GPRIN3: variants seen among roughly 807,000 people sequenced by gnomAD.
GPRIN3 encodes the protein GPRIN family member 3, also known as G protein-regulated inducer of neurite outgrowth 3.
In GPRIN3, 12 loss-of-function variants were observed where a neutral mutation model predicts 13.7. The observed-to-expected ratio is 0.87, with a 90% confidence interval of 0.56 to 1.42. The LOEUF is 1.42. Among genes scored for constraint, GPRIN3 ranks in the 40% most tolerant of loss-of-function variants. GPRIN3 has a pLI of 0.00. For missense variants in GPRIN3, 1,009 were observed against 958.7 expected (o/e 1.05, Z -0.69); for synonymous variants, 377 against 372.7 (o/e 1.01, Z -0.13).
chr4:89,273,547 C>T (rs1299399331), intron 1 of GPRIN3, among the ~76,000 whole-genome samples: 8 of 152,034 alleles, frequency 5.3e-5, no homozygotes, highest in Non-Finnish European at 8.8e-5. Flanking sequence ...ATTAGCTAGG[C>T]GTGGTGATGG....
intron 1 of GPRIN3, among the ~76,000 whole-genome samples, chr4:89,262,036 G>T (rs903631746): frequency 2.7e-5 from 4 of 150,504 alleles, no homozygotes; most frequent in African/African-American, 7.3e-5. Flanking sequence ...TGAGGTGGTG[G>T]AACTGCTTGA....
chr4:89,284,619 C>G (rs1724349191), intron 1 of GPRIN3, among the ~76,000 whole-genome samples: 1 of 152,168 alleles, frequency 6.6e-6, no homozygotes, highest in Non-Finnish European at 1.5e-5. Flanking sequence ...CAGGAACTCA[C>G]CACCAGGTCT....
At chr4:89,300,529 T>C (rs1165271786) in intron 1 of GPRIN3, among the ~76,000 whole-genome samples, 1 of 152,162 alleles carries the variant, frequency 6.6e-6, no homozygotes, top group Admixed American at 6.6e-5. Flanking sequence ...GCCCACAGAC[T>C]GCCAGTTTTC....
At chr4:89,288,789 T>C (rs886577537) in intron 1 of GPRIN3, among the ~76,000 whole-genome samples, 3 of 152,144 alleles carry the variant, frequency 2.0e-5, no homozygotes, top group Admixed American at 6.5e-5. Flanking sequence ...CTGGGTAACG[T>C]TAAAAATGAG....
rs1236861027 is a variant in GPRIN3 at position 89,249,781 on chromosome 4, T to C, written c.330A>G (p.Ala110=). The change falls in exon 2 of 2, where the codon GCA becomes GCG. Residue 110 remains alanine, a synonymous_variant. Transcript: ENST00000609438. ...PQLPGSSQPA[A]SAPSSAAGRD... is the part of the protein sequence containing the mutation. ...TTCCTGCTGCAGAACTCGGGGCTGA[T>C]GCTGCGGGCTGGCTGCTCCCTGGCA... 1.2e-6 allele frequency: 2 copies of C among 1,614,042 alleles called. No individual in the cohort carries two copies. Among genetic ancestry groups the C allele is most frequent in the African/African-American group, 1.3e-5 (1 of 74,914 alleles).
chr4:89,273,891 A>T (rs1023519855), intron 1 of GPRIN3, among the ~76,000 whole-genome samples: 4 of 152,232 alleles, frequency 2.6e-5, no homozygotes, highest in Non-Finnish European at 5.9e-5. Context: ...TGTTATATCC[A>T]ATGCCAGTTT....
intron 1 of GPRIN3, among the ~76,000 whole-genome samples, chr4:89,279,737 T>C (rs1724193313): frequency 6.6e-6 from 1 of 152,226 alleles, no homozygotes; most frequent in Admixed American, 6.5e-5. Context: ...AGGCTCTTAC[T>C]TGGTTTTCCT....
Position 89,249,098 on chromosome 4 carries a change from C to T in GPRIN3, c.1013G>A (p.Ser338Asn). 6.2e-7 allele frequency: 1 copy of T among 1,614,172 alleles called. No homozygotes were observed. The highest frequency in any genetic ancestry group is 8.5e-7 in the Non-Finnish European group (1 of 1,180,022). ...VESRSVSTSPSILTAFLKESR... is the reference protein window; with the variant it reads ...VESRSVSTSPNILTAFLKESR... ...TTCCTTCAGAAATGCAGTGAGGATA[C>T]TGGGGCTGGTGGAGACGGATCTGCT... The change falls in exon 2 of 2, where the codon AGT (serine) becomes AAT (asparagine). Residue 338 changes from serine to asparagine, a missense_variant. Transcript: ENST00000609438.
In GPRIN3 at chr4:89,246,590, A is replaced by C. The variant is rs985728197; in HGVS notation, c.*1190T>G. On this transcript the variant is annotated 3_prime_UTR_variant, in exon 2 of 2. Transcript: ENST00000609438. ...GAAGGATATTATGGGTATTTCTCTT[A>C]AAATCAATAAGTTTGCAGAAGTTAC... 12 of 152,290 alleles carry C rather than the reference A, an allele frequency of 7.9e-5. No individual in the cohort carries two copies. The highest frequency in any genetic ancestry group is 2.6e-4 in the Admixed American group (4 of 15,294). 9.4% of individuals were successfully genotyped at this position (152,290 alleles called of 1,614,324 possible).
At chr4:89,273,150 A>G (rs1724004921) in intron 1 of GPRIN3, among the ~76,000 whole-genome samples, 1 of 152,228 alleles carries the variant, frequency 6.6e-6, no homozygotes, top group African/African-American at 2.4e-5. Context: ...AACCCCAGTT[A>G]TAGCTTTAAT....
chr4:89,271,877 A>C (rs917923679), intron 1 of GPRIN3, among the ~76,000 whole-genome samples: 2 of 152,132 alleles, frequency 1.3e-5, no homozygotes, highest in African/African-American at 4.8e-5. Flanking sequence ...CCTCAAACCC[A>C]ATGTGATGAT....
At chr4:89,251,373 T>C (rs1354787985) in intron 1 of GPRIN3, among the ~76,000 whole-genome samples, 7 of 152,186 alleles carry the variant, frequency 4.6e-5, no homozygotes, top group African/African-American at 9.6e-5. Context: ...TAGGTGCAAA[T>C]AAATATGTAT....
At position 89,249,931 on chromosome 4, in the gene GPRIN3, T is replaced by C; in HGVS notation, c.180A>G (p.Ala60=). ...APAEPDLSPR[A]AAEALMQVCE... ...AAACCTGCATCAGGGCTTCGGCAGC[T>C]GCCCTGGGGCTGAGGTCTGGTTCTG... The change falls in exon 2 of 2, where the codon GCA becomes GCG. Residue 60 remains alanine (A), a synonymous_variant. Coordinates refer to ENST00000609438, the MANE Select transcript of GPRIN3 (RefSeq NM_198281.3). The C allele has an allele frequency of 6.2e-7, 1 of 1,614,222 alleles. No homozygotes were observed. The highest frequency in any genetic ancestry group is 8.5e-7 in the Non-Finnish European group (1 of 1,180,010).
intron 1 of GPRIN3, among the ~76,000 whole-genome samples, chr4:89,277,045 G>A (rs749173229): frequency 5.9e-5 from 9 of 151,366 alleles, no homozygotes; most frequent in Non-Finnish European, 1.2e-4. Flanking sequence ...TCTGATACAC[G>A]AGCTTCTCAC....
At chr4:89,277,790 C>T (rs1724134870) in intron 1 of GPRIN3, among the ~76,000 whole-genome samples, 1 of 152,150 alleles carries the variant, frequency 6.6e-6, no homozygotes, top group Non-Finnish European at 1.5e-5. Flanking sequence ...ACTTTCTGCC[C>T]TCATCTTAGT....
chr4:89,270,558 A>T (rs1359491879), intron 1 of GPRIN3, among the ~76,000 whole-genome samples: 1 of 87,134 alleles, frequency 1.1e-5, no homozygotes, highest in African/African-American at 5.5e-5. Context: ...TTATATATGT[A>T]TATAATTTAT....
rs749996129 is a variant in GPRIN3, at chr4:89,250,054, G to A, written c.57C>T (p.Ser19=). 6.8e-6 allele frequency: 11 copies of A among 1,613,758 alleles called. No individual in the cohort carries two copies. The highest frequency in any genetic ancestry group is 3.3e-5 in the Admixed American group (2 of 59,996). Residue 19 remains serine, a synonymous_variant, in exon 2 of 2, where the codon TCC becomes TCT. Transcript: ENST00000609438. The part of the protein sequence containing the change: ...RSAKTSLIAA[S]GKEDDLGEPQ... ...GCTCTCCTAGATCGTCTTCTTTTCC[G>A]GAAGCTGCAATCAGGGAAGTTTTAG...
rs1478108111 is a variant in GPRIN3, at chr4:89,241,256, G to C, written c.*6524C>G. On this transcript the variant is annotated 3_prime_UTR_variant, in exon 2 of 2. Transcript: ENST00000609438. The stretch of plus-strand genomic sequence containing the variant: ...CCCTTTCTGACCTTCAAAAATAAAA[G>C]GACAAATTCTGTTACTGAATACATG... 1 of 151,652 alleles carries C rather than the reference G, an allele frequency of 6.6e-6. No individual in the cohort carries two copies. The highest frequency in any genetic ancestry group is 2.4e-5 in the African/African-American group (1 of 41,290). The allele number at this position is 151,652 out of a possible 1,614,324, so 9.4% of individuals were successfully genotyped here.
intron 1 of GPRIN3, among the ~76,000 whole-genome samples, chr4:89,278,624 C>G (rs1724159370): frequency 6.6e-6 from 1 of 152,194 alleles, no homozygotes; most frequent in Non-Finnish European, 1.5e-5. Flanking sequence ...ACCTATAGCA[C>G]TTACTTTGAT....
Sources: gnomAD v4.1 joint callset for allele counts (sites outside exome capture counted in the v4.1 genomes callset) on GRCh38, gnomAD v4.1.1 for gene constraint, MANE v1.5 for transcripts, NCBI Gene and HGNC (gene_info 2026-07-23, HGNC 2026-07-21) for gene names.